The following LEPR variants were observed in gnomAD, a reference collection of about 807,000 sequenced individuals.
LEPR encodes the protein leptin receptor.
A neutral mutation model predicts 114.7 loss-of-function variants in LEPR; 56 were observed. That is an observed-to-expected ratio of 0.49 (90% CI 0.39 to 0.61). LEPR has a LOEUF of 0.61. LEPR is among the 20% of genes least tolerant of loss of function. The pLI is 0.00. For synonymous variants in LEPR, 443 were observed against 461.4 expected, an observed-to-expected ratio of 0.96 and a Z score of 0.51; for missense variants, 1,202 against 1,352.9, an observed-to-expected ratio of 0.89 and a Z score of 1.75.
intron 19 of LEPR, among the ~76,000 whole-genome samples, chr1:65,623,951 C>G (rs1405634492): frequency 2.0e-5 from 3 of 152,122 alleles, no homozygotes; most frequent in Non-Finnish European, 4.4e-5. Context: ...TTTCCTCAAG[C>G]CTTCCTTTAA....
chr1:65,479,323 T>G (rs1249454225), intron 2 of LEPR, among the ~76,000 whole-genome samples: 2 of 152,150 alleles, frequency 1.3e-5, no homozygotes, highest in Non-Finnish European at 2.9e-5. Context: ...TCATGGAACA[T>G]TTATGAATCT....
chr1:65,509,215 C>T (rs1648906613), intron 2 of LEPR, among the ~76,000 whole-genome samples: 1 of 152,100 alleles, frequency 6.6e-6, no homozygotes, highest in African/African-American at 2.4e-5. Flanking sequence ...GCTAGGACTT[C>T]CCGTACTATG....
intron 2 of LEPR, among the ~76,000 whole-genome samples, chr1:65,553,511 A>C (rs1487339507): frequency 6.6e-6 from 1 of 151,744 alleles, no homozygotes; most frequent in Non-Finnish European, 1.5e-5. Context: ...CAATTTGGCT[A>C]TTGATACCTG....
intron 14 of LEPR, among the ~76,000 whole-genome samples, chr1:65,613,849 G>A (rs988775849): frequency 1.2e-4 from 17 of 147,794 alleles, no homozygotes; most frequent in African/African-American, 4.3e-4. Flanking sequence ...ATTAAAAGAT[G>A]TTCAACATCA....
At chr1:65,444,586 G>A (rs184085131) in intron 2 of LEPR, among the ~76,000 whole-genome samples, 2,975 of 140,630 alleles carry the variant, frequency 0.021, 115 homozygotes, top group African/African-American at 0.073. Context: ...GGAGGCGGGC[G>A]GGGGGTGGGG....
chr1:65,634,242 T>C (rs1462759251), intron 19 of LEPR: 1 of 966,754 alleles, frequency 1.0e-6, no homozygotes, highest in African/African-American at 1.8e-5. Context: ...ATGGATCCCT[T>C]ATATTTAGAT....
intron 2 of LEPR, among the ~76,000 whole-genome samples, chr1:65,450,391 G>A (rs535517568): frequency 1.6e-4 from 23 of 147,214 alleles, no homozygotes; most frequent in South Asian, 4.4e-4. Context: ...TCGTCATCTA[G>A]CATTAGGTAT....
rs776187538 is a variant in LEPR, at chr1:65,605,091, A to G, written c.1457A>G (p.Lys486Arg). 3 of 1,614,078 alleles carry G rather than the reference A, an allele frequency of 1.9e-6. No homozygotes were observed. Among genetic ancestry groups the G allele is most frequent in the East Asian group, 4.5e-5 (2 of 44,870 alleles). ...IPSIHPISEPKDCYLQSDGFY... is the reference protein window; with the variant it reads ...IPSIHPISEPRDCYLQSDGFY... Reference sequence around the variant, plus strand: ...TCTATTCATCCCATATCTGAGCCCAAAGATTGCTATTTGCAGAGTGATGGT... The same window carrying G: ...TCTATTCATCCCATATCTGAGCCCAGAGATTGCTATTTGCAGAGTGATGGT... Residue 486 changes from lysine (K) to arginine (R), a missense_variant, in exon 11 of 20, where the codon AAA becomes AGA. Physicochemically the swap from Lys to Arg is conservative, Grantham distance 26. Transcript: ENST00000349533.
At chr1:65,532,232 C>A (rs1478944890) in intron 2 of LEPR, among the ~76,000 whole-genome samples, 1 of 152,164 alleles carries the variant, frequency 6.6e-6, no homozygotes, top group Admixed American at 6.5e-5. Flanking sequence ...AGACAACTCT[C>A]TGGGGCAACT....
At chr1:65,520,156 C>A (rs748929443) in intron 2 of LEPR, among the ~76,000 whole-genome samples, 19 of 152,070 alleles carry the variant, frequency 1.2e-4, no homozygotes, top group Non-Finnish European at 2.2e-4. Flanking sequence ...AGCCACAGCA[C>A]CTGGCCAAAA....
intron 9 of LEPR, 51 bp downstream of exon 9, chr1:65,601,733 T>C (rs1481671431): frequency 1.2e-6 from 2 of 1,611,586 alleles, no homozygotes; most frequent in Non-Finnish European, 8.5e-7. Context: ...GAATTTTCAT[T>C]ATGGACCCTC....
At chr1:65,564,161 G>A (rs1570703753) in intron 2 of LEPR, among the ~76,000 whole-genome samples, 1 of 148,634 alleles carries the variant, frequency 6.7e-6, no homozygotes, top group Non-Finnish European at 1.5e-5. Flanking sequence ...CCTCGCTGCC[G>A]CCTTGCAGTT....
intron 2 of LEPR, among the ~76,000 whole-genome samples, chr1:65,426,955 G>A (rs919469374): frequency 2.0e-5 from 3 of 151,786 alleles, no homozygotes; most frequent in Non-Finnish European, 4.4e-5. Context: ...CCAAGATCGT[G>A]CCACTGCACT....
intron 2 of LEPR, among the ~76,000 whole-genome samples, chr1:65,498,014 C>A (rs1243900741): frequency 6.6e-6 from 1 of 152,120 alleles, no homozygotes. Flanking sequence ...TTACTGTCCC[C>A]TGTCCCTGAT....
chr1:65,605,070 T>C lies in LEPR; in HGVS notation c.1436T>C (p.Ile479Thr). 6.2e-7 allele frequency: 1 copy of C among 1,613,926 alleles called. No homozygotes were observed. Among genetic ancestry groups the C allele is most frequent in the Non-Finnish European group, 8.5e-7 (1 of 1,180,026 alleles). Residue 479 changes from isoleucine (I) to threonine (T), a missense_variant, in exon 11 of 20, where the codon ATT becomes ACT. By Grantham distance (89) the Ile-to-Thr change is moderately conservative. Coordinates refer to ENST00000349533, the MANE Select transcript of LEPR (RefSeq NM_002303.6). Reference protein sequence around the residue: ...SSLYCSDIPSIHPISEPKDCY... With the variant: ...SSLYCSDIPSTHPISEPKDCY... ...CTTTACTGTTCTGATATTCCATCTA[T>C]TCATCCCATATCTGAGCCCAAAGAT... is the stretch of plus-strand genomic sequence containing the variant.
chr1:65,427,280 G>A (rs1023348493), intron 2 of LEPR, among the ~76,000 whole-genome samples: 2 of 152,022 alleles, frequency 1.3e-5, no homozygotes, highest in African/African-American at 2.4e-5. Context: ...TTGAACAGCA[G>A]TAAGTGACAG....
chr1:65,622,430 C>T (rs1657943225), intron 18 of LEPR, among the ~76,000 whole-genome samples: 1 of 146,410 alleles, frequency 6.8e-6, no homozygotes, highest in Non-Finnish European at 1.5e-5. Flanking sequence ...GGCATGGGTG[C>T]CATGATACTC....
chr1:65,462,351 T>C (rs1646956487), intron 2 of LEPR, among the ~76,000 whole-genome samples: 1 of 152,260 alleles, frequency 6.6e-6, no homozygotes. Context: ...GGCTGCATAG[T>C]ATTCTATGAT....
rs967807296 is a variant in LEPR, at chr1:65,469,217, T to C, written c.-21+43839T>C. 3.9e-5 allele frequency among the ~76,000 whole-genome samples: 6 copies of C among 152,298 alleles called. No individual in the cohort carries two copies. The East Asian group carries it at 1.2e-3, about 29-fold the overall frequency. On this transcript the variant is annotated intron_variant, in intron 2 of 19. Coordinates refer to ENST00000349533, the MANE Select transcript of LEPR (RefSeq NM_002303.6). Reference sequence around the variant, plus strand: ...AATACAGATGAGGCAGGGCTGTGTCTGTGTGGTGTAGAGCATGGAGTCAGT... The same window carrying C: ...AATACAGATGAGGCAGGGCTGTGTCCGTGTGGTGTAGAGCATGGAGTCAGT...
Sources: allele counts gnomAD v4.1 joint callset (sites outside exome capture counted in the v4.1 genomes callset), GRCh38; gene constraint gnomAD v4.1.1; transcripts MANE v1.5; gene names NCBI Gene and HGNC (gene_info 2026-07-23, HGNC 2026-07-21).